Variants in RMDN2 observed in about 807,000 individuals in gnomAD.
RMDN2 encodes regulator of microtubule dynamics 2.
RMDN2 carries 61 observed loss-of-function variants against 52.8 expected under a neutral mutation model. The ratio of observed to expected loss-of-function variants is 1.16; its 90% CI spans 0.94 to 1.43. RMDN2 has a LOEUF of 1.43. RMDN2 is among the 40% of genes most tolerant of loss of function. RMDN2 has a pLI of 0.00. For missense variants in RMDN2, 592 were observed against 475.3 expected (o/e 1.25, Z -2.28); for synonymous variants, 180 against 153.1 (o/e 1.18, Z -1.30).
chr2:38,003,943 T>A, intron 8 of RMDN2, 48 bp from the exon 9 acceptor site: 3 of 1,363,686 alleles, frequency 2.2e-6, no homozygotes, highest in Non-Finnish European at 2.1e-6. Context: ...TGGTTACTGT[T>A]ATTTTAATAT....
chr2:38,064,944 A>G (rs1004282095), intron 10 of RMDN2, among the ~76,000 whole-genome samples: 2 of 152,224 alleles, frequency 1.3e-5, no homozygotes, highest in South Asian at 2.1e-4. Flanking sequence ...TGCAATATTT[A>G]AATTACATAA....
chr2:37,982,407 TC>T (rs1156904593), intron 5 of RMDN2, among the ~76,000 whole-genome samples: 1 of 152,194 alleles, frequency 6.6e-6, no homozygotes, highest in Non-Finnish European at 1.5e-5. Context: ...GATGCTGCCC[TC>T]ACATAGCTTT....
At chr2:37,986,390 A>G (rs1000100272) in intron 5 of RMDN2, among the ~76,000 whole-genome samples, 18 of 152,198 alleles carry the variant, frequency 1.2e-4, no homozygotes, top group African/African-American at 4.3e-4. Flanking sequence ...GGAGAAAATT[A>G]TACCAATTAC....
At chr2:38,027,492 T>TA (rs1679864992) in intron 10 of RMDN2, 1 of 152,216 alleles carries the variant, frequency 6.6e-6, no homozygotes, top group African/African-American at 2.4e-5. Context: ...ATTTTATAGA[T>TA]TAAAAAAACC....
At chr2:38,028,185 C>A (rs1679922232) in intron 10 of RMDN2, 1 of 152,126 alleles carries the variant, frequency 6.6e-6, no homozygotes, top group Non-Finnish European at 1.5e-5. Flanking sequence ...TTTGGAGAAT[C>A]TTTAAGAAAA....
chr2:38,046,707 C>T (rs539162506), intron 10 of RMDN2, among the ~76,000 whole-genome samples: 66 of 152,106 alleles, frequency 4.3e-4, no homozygotes, highest in African/African-American at 1.5e-3. Flanking sequence ...AATCCAGGCC[C>T]GGTGCGGTGG....
intron 8 of RMDN2, among the ~76,000 whole-genome samples, chr2:37,999,261 G>T (rs901997555): frequency 2.0e-5 from 3 of 151,996 alleles, no homozygotes; most frequent in African/African-American, 7.3e-5. Context: ...TTAACACTGC[G>T]CAAATTGCTT....
chr2:38,054,788 C>T (rs1573246025), intron 10 of RMDN2, among the ~76,000 whole-genome samples: 1 of 152,050 alleles, frequency 6.6e-6, no homozygotes, highest in African/African-American at 2.4e-5. Flanking sequence ...GTCAAACTAC[C>T]CAGTGCACGA....
rs547460655 is a variant in RMDN2, at chr2:38,017,169, T to G, written c.1180-17T>G. 44 of 1,465,316 alleles carry G rather than the reference T, an allele frequency of 3.0e-5. No individual in the cohort carries two copies. In the East Asian group the frequency reaches 1.0e-3, roughly 35 times the overall value. 90.8% of individuals were successfully genotyped at this position (1,465,316 alleles called of 1,614,324 possible). ...GAATGCATGAAATTTCATTATGTAT[T>G]TGTATTTTCTTTATAGGATAAAGAG... is the stretch of plus-strand genomic sequence containing the variant. On this transcript the variant is annotated splice_polypyrimidine_tract_variant and intron_variant, in intron 10 of 10. Transcript: ENST00000354545.
chr2:37,968,455 A>G (rs1671371467), intron 2 of RMDN2, among the ~76,000 whole-genome samples: 1 of 151,590 alleles, frequency 6.6e-6, no homozygotes, highest in Admixed American at 6.6e-5. Flanking sequence ...AAAAAAAAAA[A>G]AAAAAAGAAA....
chr2:38,030,100 C>G (rs190306515), intron 10 of RMDN2: 133 of 152,294 alleles, frequency 8.7e-4, no homozygotes, highest in African/African-American at 3.2e-3. Flanking sequence ...AGCTATAATT[C>G]CAGATGAGAT....
chr2:37,933,128 C>T (rs1051689452), intron 2 of RMDN2, among the ~76,000 whole-genome samples: 2 of 152,024 alleles, frequency 1.3e-5, no homozygotes, highest in East Asian at 3.9e-4. Flanking sequence ...CCTCACATCC[C>T]GGACGGGGCA....
chr2:37,957,827 G>A (rs184679009), intron 2 of RMDN2, among the ~76,000 whole-genome samples: 5 of 152,238 alleles, frequency 3.3e-5, no homozygotes, highest in African/African-American at 9.6e-5. Flanking sequence ...TTTGTATAAG[G>A]TATAAGGAAG....
chr2:37,951,282 G>A (rs1668754357), intron 2 of RMDN2: 1 of 1,611,230 alleles, frequency 6.2e-7, no homozygotes, highest in Non-Finnish European at 8.5e-7. Flanking sequence ...AGAAGATCAA[G>A]TTAGTACAGA....
intron 2 of RMDN2, among the ~76,000 whole-genome samples, chr2:37,970,001 T>C (rs779923219): frequency 2.0e-5 from 3 of 152,032 alleles, no homozygotes; most frequent in Non-Finnish European, 4.4e-5. Context: ...GGCACAATCA[T>C]AGCTTACTGC....
intron 10 of RMDN2, among the ~76,000 whole-genome samples, chr2:38,047,814 A>T (rs1681365558): frequency 6.6e-6 from 1 of 152,228 alleles, no homozygotes; most frequent in Non-Finnish European, 1.5e-5. Context: ...TCTTTATGGC[A>T]GATATGTGTG....
chr2:37,979,547 C>G (rs1470368885), intron 4 of RMDN2, among the ~76,000 whole-genome samples: 1 of 152,110 alleles, frequency 6.6e-6, no homozygotes, highest in East Asian at 1.9e-4. Context: ...TGATAAAACT[C>G]AAAGTGAGTA....
chr2:37,956,395 C>T (rs370772634), intron 2 of RMDN2, among the ~76,000 whole-genome samples: 63 of 152,084 alleles, frequency 4.1e-4, no homozygotes, highest in African/African-American at 1.5e-3. Flanking sequence ...GTAATGTCCC[C>T]TCTTTCATTT....
chr2:38,004,601 G>T (rs1676801824), intron 10 of RMDN2, among the ~76,000 whole-genome samples: 1 of 151,844 alleles, frequency 6.6e-6, no homozygotes, highest in African/African-American at 2.4e-5. Flanking sequence ...AACTGAAACT[G>T]TGTACCCTAG....
Sources: gnomAD v4.1 joint callset for allele counts (sites outside exome capture counted in the v4.1 genomes callset) on GRCh38, gnomAD v4.1.1 for gene constraint, MANE v1.5 for transcripts, NCBI Gene and HGNC (gene_info 2026-07-23, HGNC 2026-07-21) for gene names.